ZFHX3: variants seen among roughly 807,000 people sequenced by gnomAD.
ZFHX3 encodes zinc finger homeobox 3, also known as zinc finger homeobox protein 3.
A neutral mutation model predicts 279.1 loss-of-function variants in ZFHX3; 42 were observed. The observed-to-expected ratio is 0.15, with a 90% CI of 0.12 to 0.19. ZFHX3 has a LOEUF of 0.19. Among genes scored for constraint, ZFHX3 ranks in the 10% least tolerant of loss-of-function variants. ZFHX3 has a pLI of 1.00. For missense variants in ZFHX3, 4,981 were observed against 4,754.0 expected, an observed-to-expected ratio of 1.05 and a Z score of -1.40; for synonymous variants, 2,293 against 1,957.8, an observed-to-expected ratio of 1.17 and a Z score of -4.52.
At position 73,724,951 on chromosome 16, in the gene ZFHX3, C is replaced by T. The variant is rs561369467; in HGVS notation, c.-1607-44711G>A. Reference sequence around the variant, plus strand: ...CCTTCTCCCTCCAAAATCACTCATGCCATAAAAGTAAAGCAAGAAAACACC... The same window carrying T: ...CCTTCTCCCTCCAAAATCACTCATGTCATAAAAGTAAAGCAAGAAAACACC... On this transcript the variant is annotated intron_variant, in intron 1 of 17. Coordinates refer to the ZFHX3 transcript ENST00000641206. Among the ~76,000 whole-genome samples the T allele has an allele frequency of 5.9e-5, 9 of 152,226 alleles. No homozygotes were observed. In the South Asian group the frequency reaches 1.9e-3, roughly 32 times the overall value.
intron 3 of ZFHX3, among the ~76,000 whole-genome samples, chr16:72,926,229 A>G (rs1364948573): frequency 1.3e-5 from 2 of 152,160 alleles, no homozygotes; most frequent in Non-Finnish European, 2.9e-5. Context: ...CTCAAACTAG[A>G]TGCTAGAATA....
At chr16:73,837,851 G>A (rs1961185763) in intron 1 of ZFHX3, among the ~76,000 whole-genome samples, 1 of 152,150 alleles carries the variant, frequency 6.6e-6, no homozygotes, top group South Asian at 2.1e-4. Flanking sequence ...GGTCAGGCCG[G>A]TCTTGAACTC....
intron 4 of ZFHX3, among the ~76,000 whole-genome samples, chr16:73,310,286 T>C (rs2015295124): frequency 6.6e-6 from 1 of 152,072 alleles, no homozygotes; most frequent in Non-Finnish European, 1.5e-5. Context: ...ATGGGAGCAT[T>C]CCACCCTGGC....
rs2143265058 is a variant in ZFHX3, at chr16:72,787,181, C to T, written c.11095G>A (p.Asp3699Asn). The change falls in exon 10 of 10, where the codon GAC becomes AAC. Residue 3699 changes from aspartate (D) to asparagine (N), a missense_variant. Asp to Asn is a conservative substitution (Grantham distance 23, BLOSUM62 1). Transcript: ENST00000268489. ...TTCAAAGCTTACAATCTGAAGGTGT[C>T]CGTTCCTACACTGGTCAGACCACTG... ...KDSGLTSVGT[D>N]TFRL 6.4e-7 allele frequency: 1 copy of T among 1,573,140 alleles called. No homozygotes were observed. The highest frequency in any genetic ancestry group is 8.7e-7 in the Non-Finnish European group (1 of 1,154,678).
At chr16:73,231,285 C>T (rs1181591096) in intron 5 of ZFHX3, among the ~76,000 whole-genome samples, 1 of 152,218 alleles carries the variant, frequency 6.6e-6, no homozygotes, top group African/African-American at 2.4e-5. Flanking sequence ...TGTCGTTTAG[C>T]TTCACACACT....
At chr16:73,150,502 A>C (rs1966914464) in intron 5 of ZFHX3, among the ~76,000 whole-genome samples, 1 of 152,202 alleles carries the variant, frequency 6.6e-6, no homozygotes, top group African/African-American at 2.4e-5. Flanking sequence ...ATACACAGCA[A>C]GTGGCAGCTG....
At chr16:73,255,908 C>T (rs1186679447) in intron 5 of ZFHX3, among the ~76,000 whole-genome samples, 1 of 152,154 alleles carries the variant, frequency 6.6e-6, no homozygotes, top group Non-Finnish European at 1.5e-5. Context: ...TGGGCATGGC[C>T]CCTTCTCTCT....
intron 7 of ZFHX3, among the ~76,000 whole-genome samples, chr16:73,101,775 T>C (rs1966234302): frequency 6.6e-6 from 1 of 151,930 alleles, no homozygotes; most frequent in South Asian, 2.1e-4. Flanking sequence ...TTTTTGTTAA[T>C]GACATCACTG....
intron 4 of ZFHX3, among the ~76,000 whole-genome samples, chr16:73,268,517 C>A (rs1015407472): frequency 6.6e-6 from 1 of 152,200 alleles, no homozygotes; most frequent in African/African-American, 2.4e-5. Context: ...CTGAATGGCT[C>A]TGGCATCTGT....
chr16:73,400,707 A>G (rs890928918), intron 3 of ZFHX3: 6 of 152,068 alleles, frequency 3.9e-5, no homozygotes, highest in African/African-American at 1.2e-4. Context: ...CAAACAAACA[A>G]ACAGACATTT....
At chr16:73,417,609 A>G (rs1341822144) in intron 3 of ZFHX3, among the ~76,000 whole-genome samples, 1 of 151,464 alleles carries the variant, frequency 6.6e-6, no homozygotes, top group Non-Finnish European at 1.5e-5. Context: ...GAATACACAG[A>G]AACTCTCTGA....
chr16:73,156,201 C>T (rs973757102), intron 5 of ZFHX3, among the ~76,000 whole-genome samples: 4 of 140,780 alleles, frequency 2.8e-5, no homozygotes, highest in Non-Finnish European at 6.0e-5. Flanking sequence ...CACTGCACTC[C>T]AGCCTGGGCG....
At chr16:73,712,234 C>G (rs1244691721) in intron 1 of ZFHX3, among the ~76,000 whole-genome samples, 1 of 151,922 alleles carries the variant, frequency 6.6e-6, no homozygotes, top group Non-Finnish European at 1.5e-5. Context: ...TAAAAAAAAA[C>G]GAAGGCCCGT....
chr16:73,289,453 G>GA (rs1176847378), intron 4 of ZFHX3, among the ~76,000 whole-genome samples: 1 of 151,950 alleles, frequency 6.6e-6, no homozygotes, highest in Non-Finnish European at 1.5e-5. Flanking sequence ...TCAAGGTGGG[G>GA]AAAAAACCTG....
chr16:73,142,024 A>G (rs1435447614), intron 6 of ZFHX3, among the ~76,000 whole-genome samples: 1 of 152,210 alleles, frequency 6.6e-6, no homozygotes, highest in Admixed American at 6.5e-5. Context: ...GCTGCGATGA[A>G]GGCTCTGATG....
intron 3 of ZFHX3, among the ~76,000 whole-genome samples, chr16:73,323,208 C>A (rs946048473): frequency 1.3e-5 from 2 of 152,056 alleles, no homozygotes; most frequent in East Asian, 3.9e-4. Flanking sequence ...CTGGACAGAC[C>A]CAGCAGAGTT....
chr16:73,103,063 T>TAC, intron 7 of ZFHX3, among the ~76,000 whole-genome samples: 1 of 152,132 alleles, frequency 6.6e-6, no homozygotes. Context: ...TAGCTGGGAT[T>TAC]ACAGGCACCT....
At chr16:73,838,640 A>T (rs554122370) in intron 1 of ZFHX3, among the ~76,000 whole-genome samples, 5 of 152,250 alleles carry the variant, frequency 3.3e-5, no homozygotes, top group African/African-American at 1.2e-4. Flanking sequence ...TTTCAACCCC[A>T]TTGAAAAAGA....
At chr16:73,613,438 C>CTTTTTTTT (rs5817854) in intron 2 of ZFHX3, among the ~76,000 whole-genome samples, 5 of 149,120 alleles carry the variant, frequency 3.4e-5, no homozygotes, top group Non-Finnish European at 3.0e-5. Flanking sequence ...TTAGCTTTTG[C>CTTTTTTTT]TTTTTTTGTT....
Sources: allele counts gnomAD v4.1 joint callset (sites outside exome capture counted in the v4.1 genomes callset), GRCh38; gene constraint gnomAD v4.1.1; transcripts MANE v1.5; gene names NCBI Gene and HGNC (gene_info 2026-07-23, HGNC 2026-07-21).